Variants in PTPRN2 observed in about 807,000 individuals in gnomAD.
PTPRN2 encodes receptor-type tyrosine-protein phosphatase N2.
Under a neutral mutation model 118.8 loss-of-function variants are expected in PTPRN2, and 74 were observed. The ratio of observed to expected loss-of-function variants is 0.62; its 90% CI spans 0.52 to 0.76. The LOEUF (loss-of-function observed/expected upper bound fraction) is 0.76, where lower values mean the gene tolerates loss of function less well. PTPRN2 is among the 30% of genes least tolerant of loss of function. The pLI, the probability that PTPRN2 is intolerant of heterozygous loss-of-function variation, is 0.00. For synonymous variants in PTPRN2, 641 were observed against 608.0 expected, an observed-to-expected ratio of 1.05 and a Z score of -0.80; for missense variants, 1,481 against 1,394.4, an observed-to-expected ratio of 1.06 and a Z score of -0.99.
intron 3 of PTPRN2, among the ~76,000 whole-genome samples, chr7:158,222,848 G>A (rs1828474345): frequency 1.3e-5 from 2 of 152,154 alleles, no homozygotes; most frequent in East Asian, 1.9e-4. Flanking sequence ...AGAAATCAAT[G>A]TAATTTAAGT....
At chr7:158,408,093 G>A (rs4909081) in intron 2 of PTPRN2, among the ~76,000 whole-genome samples, 67,006 of 152,014 alleles carry the variant, frequency 0.44, 15,946 homozygotes, top group East Asian at 0.75. Context: ...TGAAGTCAAC[G>A]TGACATGTAG....
chr7:158,038,807 GAC>G (rs199981196), intron 11 of PTPRN2, among the ~76,000 whole-genome samples: 1,699 of 150,394 alleles, frequency 0.011, 43 homozygotes, highest in African/African-American at 0.039. Context: ...CTAGAATAAT[GAC>G]ACAGATATTA....
chr7:157,544,931 G>T (rs536991820), intron 22 of PTPRN2, among the ~76,000 whole-genome samples: 1 of 146,130 alleles, frequency 6.8e-6, no homozygotes, highest in East Asian at 2.0e-4. Flanking sequence ...GGTGTGCATG[G>T]GTGTGTACAG....
chr7:157,810,105 C>A (rs756055128), intron 12 of PTPRN2, among the ~76,000 whole-genome samples: 1 of 152,244 alleles, frequency 6.6e-6, no homozygotes, highest in Non-Finnish European at 1.5e-5. Context: ...TGGAGGCGAA[C>A]CTGGCCCACA....
intron 11 of PTPRN2, among the ~76,000 whole-genome samples, chr7:157,980,548 C>T (rs149241001): frequency 0.015 from 2,278 of 152,204 alleles, 41 homozygotes; most frequent in African/African-American, 0.041. Context: ...GTCAGGACTT[C>T]GAGACCAGCC....
intron 5 of PTPRN2, among the ~76,000 whole-genome samples, chr7:158,184,129 T>G (rs1039249821): frequency 7.2e-5 from 11 of 152,206 alleles, no homozygotes; most frequent in African/African-American, 2.7e-4. Flanking sequence ...GAAGAAAATT[T>G]TTAAATTTTG....
chr7:157,701,948 C>G lies in PTPRN2; in HGVS notation c.1789-19011G>C, dbSNP rs527552276. 1.6e-3 allele frequency among the ~76,000 whole-genome samples: 241 copies of G among 147,568 alleles called. 1 individual carries two copies. Among genetic ancestry groups the G allele is most frequent in the Middle Eastern group, 3.6e-3 (1 of 278 alleles). ...CTGTGCATTTATAAGAAAGCCCGGTCGGTGCTGGTGTAACTGACGCGGGCT... is the reference window on the plus strand; with the variant it reads ...CTGTGCATTTATAAGAAAGCCCGGTGGGTGCTGGTGTAACTGACGCGGGCT... On this transcript the variant is annotated intron_variant, in intron 12 of 22. Transcript: ENST00000389418.
rs904703062 is a variant in PTPRN2 at position 157,850,400 on chromosome 7, C to T, written c.1788+48273G>A. On this transcript the variant is annotated intron_variant, in intron 12 of 22. Coordinates refer to ENST00000389418, the MANE Select transcript of PTPRN2 (RefSeq NM_002847.5). Reference sequence around the variant, plus strand: ...TTTCCGACGTGGGGTGCCTCAGGCTCGTGTAAGGGATCCCAGGTATCCGAA... The same window carrying T: ...TTTCCGACGTGGGGTGCCTCAGGCTTGTGTAAGGGATCCCAGGTATCCGAA... Among the ~76,000 whole-genome samples, 10 of 151,644 alleles carry T rather than the reference C, an allele frequency of 6.6e-5. No individual in the cohort carries two copies. In the South Asian group the frequency reaches 1.5e-3, roughly 22 times the overall value.
At chr7:158,043,483 C>T (rs1808620617) in intron 11 of PTPRN2, among the ~76,000 whole-genome samples, 1 of 87,522 alleles carries the variant, frequency 1.1e-5, no homozygotes, top group South Asian at 2.8e-4. Context: ...ATTCTCGTCA[C>T]CTGACTTTAA....
chr7:158,359,756 A>C (rs1808702565), intron 2 of PTPRN2, among the ~76,000 whole-genome samples: 1 of 152,228 alleles, frequency 6.6e-6, no homozygotes, highest in Admixed American at 6.5e-5. Flanking sequence ...AAAGCAATTT[A>C]TTTGAAAATT....
In PTPRN2 at chr7:157,595,253, C is replaced by T. The variant is rs1453848033; in HGVS notation, c.2481G>A (p.Val827=). The T allele has an allele frequency of 1.2e-6, 2 of 1,614,186 alleles. No homozygotes were observed. The highest frequency in any genetic ancestry group is 3.3e-5 in the Admixed American group (2 of 60,024). The change falls in exon 17 of 23, where the codon GTG becomes GTA. Residue 827 remains valine (V), a synonymous_variant. Transcript: ENST00000389418. ...IATQGPLPAT[V]ADFWQMVWES... is the part of the protein sequence containing the mutation. ...AAATGTTCACCTGCCAAAAGTCAGCCACGGTGGCGGGCAGCGGTCCCTGGG... is the reference window on the plus strand; with the variant it reads ...AAATGTTCACCTGCCAAAAGTCAGCTACGGTGGCGGGCAGCGGTCCCTGGG...
In PTPRN2 at chr7:157,590,850, G is replaced by T. The variant is rs936942158; in HGVS notation, c.2496+4388C>A. 5.3e-5 allele frequency among the ~76,000 whole-genome samples: 8 copies of T among 152,180 alleles called. No homozygotes were observed. Among genetic ancestry groups the T allele is most frequent in the African/African-American group, 1.9e-4 (8 of 41,434 alleles). On this transcript the variant is annotated intron_variant, in intron 17 of 22. Coordinates refer to ENST00000389418, the MANE Select transcript of PTPRN2 (RefSeq NM_002847.5). This position sits in a 1 kb window ranked among gnomAD's most constrained non-coding sequence, Gnocchi z 4.0. ...CTCCTGGCTCCTCTGCCTCCCAGCA[G>T]CCCAGTGACCTCCAAACGGACTCCT...
chr7:158,520,108 C>T lies in PTPRN2; in HGVS notation c.113-30323G>A, dbSNP rs141156805. Among the ~76,000 whole-genome samples the T allele has an allele frequency of 1.2e-3, 180 of 152,314 alleles. 2 individuals are homozygous for T. The Middle Eastern group carries it at 0.014, about 12-fold the overall frequency. On this transcript the variant is annotated intron_variant, in intron 1 of 22. Transcript: ENST00000389418. ...CTTGTCATTTCTTTTAACAAAACAACGGCAATGCCAAGAAAGGAAAGCATT... is the reference window on the plus strand; with the variant it reads ...CTTGTCATTTCTTTTAACAAAACAATGGCAATGCCAAGAAAGGAAAGCATT...
chr7:157,649,916 TCGG>T (rs1805518809), intron 14 of PTPRN2, among the ~76,000 whole-genome samples: 1 of 78,932 alleles, frequency 1.3e-5, no homozygotes, highest in African/African-American at 3.7e-5. Flanking sequence ...TGCACTGAAC[TCGG>T]TGGGTCGGAC....
intron 12 of PTPRN2, among the ~76,000 whole-genome samples, chr7:157,818,501 G>C (rs896603064): frequency 4.7e-5 from 7 of 147,660 alleles, no homozygotes; most frequent in Non-Finnish European, 1.0e-4. Context: ...GACAGGAAAC[G>C]GGGAGGGACG....
At chr7:158,290,878 G>A (rs2151021178) in intron 3 of PTPRN2, among the ~76,000 whole-genome samples, 1 of 152,328 alleles carries the variant, frequency 6.6e-6, no homozygotes, top group East Asian at 1.9e-4. Flanking sequence ...GAGCAATGGA[G>A]AGTCCTCTCC....
intron 11 of PTPRN2, among the ~76,000 whole-genome samples, chr7:158,023,381 C>T (rs1164455981): frequency 1.3e-5 from 2 of 152,160 alleles, no homozygotes; most frequent in East Asian, 3.9e-4. Flanking sequence ...GCCAGTGCTG[C>T]TCCCAATATC....
At chr7:158,346,241 C>T (rs75585787) in intron 2 of PTPRN2, among the ~76,000 whole-genome samples, 2,715 of 152,290 alleles carry the variant, frequency 0.018, 89 homozygotes, top group African/African-American at 0.062. Context: ...TACAATCGAA[C>T]TCAAAAAATT....
At chr7:158,507,392 C>G (rs1822831414) in intron 1 of PTPRN2, among the ~76,000 whole-genome samples, 1 of 150,160 alleles carries the variant, frequency 6.7e-6, no homozygotes, top group Non-Finnish European at 1.5e-5. Context: ...CAGCCCCGCA[C>G]TAGGCAGGAA....
Sources: allele counts gnomAD v4.1 joint callset (sites outside exome capture counted in the v4.1 genomes callset), GRCh38; gene constraint gnomAD v4.1.1; non-coding constraint Gnocchi (gnomAD v3.1); transcripts MANE v1.5; gene names NCBI Gene and HGNC (gene_info 2026-07-23, HGNC 2026-07-21).